The following CPLANE1 variants were observed in gnomAD, a reference collection of about 807,000 sequenced individuals.
CPLANE1 encodes the protein ciliogenesis and planar polarity effector complex subunit 1.
In CPLANE1, 263 loss-of-function variants were observed where a neutral mutation model predicts 362.5. The observed-to-expected ratio is 0.73, with a 90% CI of 0.66 to 0.80. CPLANE1 has a LOEUF of 0.80. Ranked by LOEUF, CPLANE1 falls within the 30% of genes least tolerant of loss-of-function variation. The pLI, the probability that CPLANE1 is intolerant of heterozygous loss-of-function variation, is 0.00. For synonymous variants in CPLANE1, 1,212 were observed against 1,302.6 expected (o/e 0.93, Z 1.50); for missense variants, 3,461 against 3,793.4 (o/e 0.91, Z 2.30).
chr5:37,118,400 CAA>C (rs560421140), intron 50 of CPLANE1, among the ~76,000 whole-genome samples: 37 of 89,168 alleles, frequency 4.1e-4, no homozygotes, highest in Admixed American at 6.5e-4. Context: ...CACTGTGTCT[CAA>C]AAAAAAAAAA....
At chr5:37,195,095 C>T (rs1786924073) in intron 21 of CPLANE1, among the ~76,000 whole-genome samples, 1 of 147,806 alleles carries the variant, frequency 6.8e-6, no homozygotes, top group Non-Finnish European at 1.5e-5. Context: ...GCAGAGCTTG[C>T]AGTGAGCCGA....
At chr5:37,163,467 A>G (rs1777414138) in intron 37 of CPLANE1, among the ~76,000 whole-genome samples, 1 of 152,224 alleles carries the variant, frequency 6.6e-6, no homozygotes, top group Non-Finnish European at 1.5e-5. Flanking sequence ...ACTCAAGAGG[A>G]AAGAAAATCA....
chr5:37,087,721 G>C, the CPLANE1 span, among the ~76,000 whole-genome samples: 1 of 152,234 alleles, frequency 6.6e-6, no homozygotes, highest in Admixed American at 6.5e-5. Flanking sequence ...CTCCAAAAGT[G>C]CTGGGATTAC....
intron 8 of CPLANE1, among the ~76,000 whole-genome samples, chr5:37,233,362 C>T (rs1798184993): frequency 6.6e-6 from 1 of 152,044 alleles, no homozygotes; most frequent in Non-Finnish European, 1.5e-5. Context: ...AGCTTCTTGC[C>T]TACACTGCTT....
chr5:37,228,282 T>C (rs1419688793), intron 9 of CPLANE1, among the ~76,000 whole-genome samples: 1 of 152,140 alleles, frequency 6.6e-6, no homozygotes, highest in Non-Finnish European at 1.5e-5. Flanking sequence ...AAATTTGAGT[T>C]TCCACTTAAC....
intron 16 of CPLANE1, among the ~76,000 whole-genome samples, chr5:37,208,947 AAG>A (rs749331235): frequency 0.16 from 15,936 of 101,506 alleles, 917 homozygotes; most frequent in Admixed American, 0.21. Context: ...GAAAAAAAAA[AAG>A]AAAAGAAAAA....
the CPLANE1 span, among the ~76,000 whole-genome samples, chr5:37,091,760 C>A: frequency 1.3e-5 from 2 of 152,052 alleles, no homozygotes; most frequent in African/African-American, 2.4e-5. Context: ...TGTGTCCATA[C>A]CCCCTCAGGT....
chr5:37,167,096 C>T lies in CPLANE1; in HGVS notation c.7351G>A (p.Val2451Ile), dbSNP rs764127814. The change falls in exon 35 of 53, where the codon GTC becomes ATC. Residue 2451 changes from valine to isoleucine, a missense_variant. Transcript: ENST00000651892. The part of the protein sequence containing the change: ...GDAGHLQLLK[V>I]KIEPPEVRQG... ...CTTACTTCAGGTGGTTCTATTTTGA[C>T]CTTTAGAAGTTGAAGGTGTCCAGCA... The T allele has an allele frequency of 2.4e-5, 38 of 1,612,974 alleles. No homozygotes were observed. In the East Asian group the frequency reaches 7.8e-4, roughly 33 times the overall value.
rs1580434139 is a variant in CPLANE1, at chr5:37,176,098, A to G, written c.5901-112T>C. The G allele has an allele frequency of 4.3e-6, 3 of 697,838 alleles. No homozygotes were observed. The East Asian group carries it at 7.7e-5, about 18-fold the overall frequency. 43.2% of individuals were successfully genotyped at this position (697,838 alleles called of 1,614,324 possible). On this transcript the variant is annotated intron_variant, in intron 30 of 52. Coordinates refer to ENST00000651892, the MANE Select transcript of CPLANE1 (RefSeq NM_001384732.1). ...GAGTCTAAACATCCTCTAATCTTCT[A>G]TAATGTTTAGCTCATAATTACAATC...
At chr5:37,139,202 C>A in intron 45 of CPLANE1, 138 bp downstream of exon 45, 1 of 810,062 alleles carries the variant, frequency 1.2e-6, no homozygotes, top group East Asian at 3.4e-5. Context: ...TAAAAATATT[C>A]CATACCCAAT....
intron 8 of CPLANE1, 55 bp from the exon 9 acceptor site, chr5:37,231,104 CGATTTAAAATGGG>C: frequency 7.6e-7 from 1 of 1,318,598 alleles, no homozygotes; most frequent in Non-Finnish European, 9.9e-7. Flanking sequence ...ATGTCTATGA[CGATTTAAAATGGG>C]CTGTACCAAG....
In CPLANE1 at chr5:37,106,742, A is replaced by T. The variant is rs1416091506; in HGVS notation, c.*860T>A. 1.5e-6 allele frequency: 1 copy of T among 670,646 alleles called. No individual in the cohort carries two copies. Among genetic ancestry groups the T allele is most frequent in the Non-Finnish European group, 1.8e-6 (1 of 542,860 alleles). 41.5% of individuals were successfully genotyped at this position (670,646 alleles called of 1,614,324 possible). ...GTAAAACCTGGCTTCACACAGGTAGATATTTGGAAAAAGAGGGGTATTTAA... is the reference window on the plus strand; with the variant it reads ...GTAAAACCTGGCTTCACACAGGTAGTTATTTGGAAAAAGAGGGGTATTTAA... On this transcript the variant is annotated 3_prime_UTR_variant, in exon 53 of 53. Transcript: ENST00000651892.
intron 51 of CPLANE1, among the ~76,000 whole-genome samples, chr5:37,110,017 C>T (rs568463367): frequency 3.3e-5 from 5 of 152,324 alleles, no homozygotes; most frequent in African/African-American, 7.2e-5. Context: ...TTTTGTCTAT[C>T]TTCAAAATAC....
the CPLANE1 span, among the ~76,000 whole-genome samples, chr5:37,092,154 C>G: frequency 6.8e-3 from 1,035 of 152,302 alleles, 8 homozygotes; most frequent in African/African-American, 0.024. Context: ...CAGACATCCC[C>G]TTCCCAGCCT....
intron 17 of CPLANE1, among the ~76,000 whole-genome samples, chr5:37,205,933 C>T (rs984451520): frequency 6.6e-6 from 1 of 152,148 alleles, no homozygotes; most frequent in African/African-American, 2.4e-5. Context: ...AATACAGTAA[C>T]CACTAACTAT....
chr5:37,106,941 A>G lies in CPLANE1; in HGVS notation c.*661T>C, dbSNP rs886060569. ...CTGTACCATGGTTCTTACAAATTTA[A>G]GATGAGCCTTCTAGAGGCCGGAGTC... On this transcript the variant is annotated 3_prime_UTR_variant, in exon 53 of 53. Transcript: ENST00000651892. 5 of 985,330 alleles carry G rather than the reference A, an allele frequency of 5.1e-6. No homozygotes were observed. Among genetic ancestry groups the G allele is most frequent in the African/African-American group, 1.7e-5 (1 of 57,242 alleles). The allele number at this position is 985,330 out of a possible 1,614,324, so 61.0% of individuals were successfully genotyped here. A position where few individuals can be genotyped will look rare whatever the true frequency, so the allele number is the denominator to read the frequency against.
At chr5:37,161,184 A>T (rs1167762645) in intron 38 of CPLANE1, among the ~76,000 whole-genome samples, 3 of 152,208 alleles carry the variant, frequency 2.0e-5, no homozygotes, top group African/African-American at 7.2e-5. Context: ...CCATACATAT[A>T]AATCAAAGTG....
Position 37,210,210 on chromosome 5 carries a change from T to A in CPLANE1, c.2920+3349A>T, listed in dbSNP as rs2150194129. 3.2e-5 allele frequency: 51 copies of A among 1,569,996 alleles called. No homozygotes were observed. In the South Asian group the frequency reaches 5.3e-4, roughly 16 times the overall value. Reference sequence around the variant, plus strand: ...CCAAGAGATTGAAACAAAAGAGATTTATGCTCAAAGGCAACTTTTACTAAA... The same window carrying A: ...CCAAGAGATTGAAACAAAAGAGATTAATGCTCAAAGGCAACTTTTACTAAA... On this transcript the variant is annotated intron_variant, in intron 16 of 52. Coordinates refer to ENST00000651892, the MANE Select transcript of CPLANE1 (RefSeq NM_001384732.1).
rs1401666590 is a variant in CPLANE1 at position 37,243,061 on chromosome 5, A to T, written c.629T>A (p.Leu210Ter). Residue 210 changes from leucine to a stop codon, truncating the protein, a stop_gained, in exon 6 of 53, where the codon TTA becomes TAA. Coordinates refer to ENST00000651892, the MANE Select transcript of CPLANE1 (RefSeq NM_001384732.1). LOFTEE classifies it high-confidence loss of function. The part of the protein sequence containing the change: ...FTFYSGECLK[L>*]TFLAIRWHEN... ...ATGCCACCGAATTGCTAGAAATGTT[A>T]ACTTCAGGCATTCCCCAGAATAAAA... 1 of 1,548,700 alleles carries T rather than the reference A, an allele frequency of 6.5e-7. No individual in the cohort carries two copies. The highest frequency in any genetic ancestry group is 8.7e-7 in the Non-Finnish European group (1 of 1,145,780).
Sources: allele counts gnomAD v4.1 joint callset (sites outside exome capture counted in the v4.1 genomes callset), GRCh38; gene constraint gnomAD v4.1.1; transcripts MANE v1.5; gene names NCBI Gene and HGNC (gene_info 2026-07-23, HGNC 2026-07-21).